SULT1C2: variants seen among roughly 807,000 people sequenced by gnomAD.
The protein encoded by SULT1C2 is sulfotransferase family 1C member 2.
Under a neutral mutation model 36.0 loss-of-function variants are expected in SULT1C2, and 27 were observed. The observed-to-expected ratio is 0.75, with a 90% confidence interval of 0.55 to 1.03. SULT1C2 has a LOEUF of 1.03. SULT1C2 is among the 50% of genes least tolerant of loss of function. SULT1C2 has a pLI of 0.00. For missense variants in SULT1C2, 395 were observed against 359.2 expected (o/e 1.10, Z -0.80); for synonymous variants, 121 against 116.0 (o/e 1.04, Z -0.27).
At chr2:108,291,106 G>T (rs1399820524) in intron 1 of SULT1C2, among the ~76,000 whole-genome samples, 3 of 152,208 alleles carry the variant, frequency 2.0e-5, no homozygotes, top group Admixed American at 6.5e-5. Context: ...GTTGTTGGCA[G>T]AATTCAGATT....
At position 108,294,267 on chromosome 2, in the gene SULT1C2, C is replaced by G; in HGVS notation, c.190C>G (p.Gln64Glu). 6.2e-7 allele frequency: 1 copy of G among 1,614,062 alleles called. No homozygotes were observed. Among genetic ancestry groups the G allele is most frequent in the East Asian group, 2.2e-5 (1 of 44,870 alleles). ...TCAGGAAATTGTGGATATGATTGAA[C>G]AGAATGGGGACGTGGAGAAGTGCCA... The part of the protein sequence containing the change: ...WIQEIVDMIE[Q>E]NGDVEKCQRA... The change falls in exon 3 of 8, where the codon CAG (glutamine) becomes GAG (glutamate). Residue 64 changes from glutamine to glutamate, a missense_variant. Coordinates refer to ENST00000251481, the MANE Select transcript of SULT1C2 (RefSeq NM_001056.4).
chr2:108,293,465 AGAGTT>A (rs1676646463), intron 1 of SULT1C2, among the ~76,000 whole-genome samples, 177 bp from the exon 2 acceptor site: 1 of 152,224 alleles, frequency 6.6e-6, no homozygotes, highest in South Asian at 2.1e-4. Flanking sequence ...TAATAGATAC[AGAGTT>A]TCTGTCTGGG....
intron 3 of SULT1C2, among the ~76,000 whole-genome samples, chr2:108,298,126 T>C (rs961015771): frequency 6.6e-6 from 1 of 152,248 alleles, no homozygotes; most frequent in African/African-American, 2.4e-5. Flanking sequence ...CAGCTTGGGA[T>C]TGACAGTCCA....
At chr2:108,305,141 T>C (rs944479241) in intron 5 of SULT1C2, 31 bp from the exon 6 acceptor site, 1 of 1,612,816 alleles carries the variant, frequency 6.2e-7, no homozygotes, top group Admixed American at 1.7e-5. Flanking sequence ...GATGCCTATG[T>C]AGACTATTCT....
intron 4 of SULT1C2, chr2:108,302,303 A>G (rs1002842949): frequency 2.0e-5 from 3 of 152,406 alleles, no homozygotes; most frequent in South Asian, 4.1e-4. Context: ...CTGAAGGGCT[A>G]CATCCTCAAT....
At chr2:108,307,553 T>G (rs1677056293) in intron 7 of SULT1C2, among the ~76,000 whole-genome samples, 2 of 152,250 alleles carry the variant, frequency 1.3e-5, no homozygotes, top group Non-Finnish European at 2.9e-5. Flanking sequence ...TTACAGTAAA[T>G]ATCTTTGTGC....
chr2:108,307,434 G>A (rs558065042), intron 7 of SULT1C2, among the ~76,000 whole-genome samples: 3 of 152,212 alleles, frequency 2.0e-5, no homozygotes, highest in African/African-American at 7.2e-5. Context: ...TGATTTCTTT[G>A]GTCCCATGTT....
At position 108,305,603 on chromosome 2, in the gene SULT1C2, G is replaced by A. The variant is rs746702805; in HGVS notation, c.778+8G>A. Reference sequence around the variant, plus strand: ...CCTCCTTCATGAGAAAAGGTGTGTGGGGCCTCTTTATCATACATTCAGATT... The same window carrying A: ...CCTCCTTCATGAGAAAAGGTGTGTGAGGCCTCTTTATCATACATTCAGATT... On this transcript the variant is annotated splice_region_variant and intron_variant, in intron 7 of 7. Transcript: ENST00000251481. 4.3e-6 allele frequency: 7 copies of A among 1,614,060 alleles called. No homozygotes were observed. The highest frequency in any genetic ancestry group is 5.9e-6 in the Non-Finnish European group (7 of 1,179,994).
chr2:108,294,836 G>A (rs1190618923), intron 3 of SULT1C2, among the ~76,000 whole-genome samples: 1 of 152,084 alleles, frequency 6.6e-6, no homozygotes, highest in African/African-American at 2.4e-5. Flanking sequence ...GTTCAACAGA[G>A]AAGACTTTTC....
chr2:108,305,315 G>A, intron 6 of SULT1C2, 49 bp downstream of exon 6: 6 of 1,611,310 alleles, frequency 3.7e-6, no homozygotes, highest in Non-Finnish European at 5.1e-6. Context: ...TTCTTCAGGT[G>A]CAGAGAAATT....
intron 7 of SULT1C2, among the ~76,000 whole-genome samples, chr2:108,306,833 G>A (rs529280132): frequency 1.3e-5 from 2 of 152,162 alleles, no homozygotes; most frequent in African/African-American, 4.8e-5. Flanking sequence ...TTGAACCCAG[G>A]AGGCAGAGGT....
At chr2:108,304,935 T>C (rs11885032) in intron 5 of SULT1C2, among the ~76,000 whole-genome samples, 6,848 of 152,326 alleles carry the variant, frequency 0.045, 164 homozygotes, top group East Asian at 0.093. Flanking sequence ...AAGGTGTCCT[T>C]GTCCCTATGT....
chr2:108,297,173 C>T (rs1676752371), intron 3 of SULT1C2, among the ~76,000 whole-genome samples: 1 of 152,192 alleles, frequency 6.6e-6, no homozygotes, highest in Non-Finnish European at 1.5e-5. Context: ...TAAGACTTCA[C>T]ACCTACTTGC....
intron 7 of SULT1C2, among the ~76,000 whole-genome samples, chr2:108,307,275 C>A (rs1677048430): frequency 6.6e-6 from 1 of 152,218 alleles, no homozygotes. Flanking sequence ...TATACACCCT[C>A]CTTCTTCAGA....
chr2:108,301,968 A>T (rs1676889157), intron 4 of SULT1C2: 1 of 152,222 alleles, frequency 6.6e-6, no homozygotes, highest in Admixed American at 6.5e-5. Flanking sequence ...ATGTTGGATA[A>T]GGGGACAAAA....
intron 7 of SULT1C2, among the ~76,000 whole-genome samples, chr2:108,307,655 G>A (rs1331380267): frequency 6.6e-6 from 1 of 152,098 alleles, no homozygotes; most frequent in African/African-American, 2.4e-5. Flanking sequence ...TTTAAAATTA[G>A]TTTAAGTTGT....
At chr2:108,300,568 C>G (rs1676845111) in intron 3 of SULT1C2, 6 of 473,762 alleles carry the variant, frequency 1.3e-5, no homozygotes, top group East Asian at 6.8e-5. Context: ...TCTGCCTCAG[C>G]AGGACTTCAC....
rs181321254 is a variant in SULT1C2, at chr2:108,289,515, G to A, written c.-22+445G>A. Among the ~76,000 whole-genome samples the A allele has an allele frequency of 2.7e-3, 410 of 152,314 alleles. 1 individual carries two copies. Among genetic ancestry groups the A allele is most frequent in the Admixed American group, 5.6e-3 (86 of 15,300 alleles). ...CAGACTTATAAGCAAGTAATTGTAG[G>A]ACGTGGAGTAAGACCTATAAAATTT... On this transcript the variant is annotated intron_variant, in intron 1 of 7. Coordinates refer to ENST00000251481, the MANE Select transcript of SULT1C2 (RefSeq NM_001056.4).
intron 3 of SULT1C2, among the ~76,000 whole-genome samples, chr2:108,297,640 T>G (rs766691551): frequency 6.6e-6 from 1 of 152,082 alleles, no homozygotes; most frequent in African/African-American, 2.4e-5. Flanking sequence ...CATCGTGGTA[T>G]TCCTGGCGGG....
Sources: allele counts gnomAD v4.1 joint callset (sites outside exome capture counted in the v4.1 genomes callset), GRCh38; gene constraint gnomAD v4.1.1; transcripts MANE v1.5; gene names NCBI Gene and HGNC (gene_info 2026-07-23, HGNC 2026-07-21).